Variants in HMGCLL1 observed in about 807,000 individuals in gnomAD.
HMGCLL1 encodes the protein 3-hydroxymethyl-3-methylglutaryl-CoA lyase, cytoplasmic.
HMGCLL1 carries 36 observed loss-of-function variants against 39.1 expected under a neutral mutation model. The ratio of observed to expected loss-of-function variants is 0.92; its 90% CI spans 0.71 to 1.22. The LOEUF is 1.22. Among genes scored for constraint, HMGCLL1 ranks in the 50% most tolerant of loss-of-function variants. HMGCLL1 has a pLI of 0.00. For synonymous variants in HMGCLL1, 149 were observed against 144.0 expected (o/e 1.03, Z -0.25); for missense variants, 451 against 416.5 (o/e 1.08, Z -0.72).
chr6:55,615,476 G>C, the HMGCLL1 span, among the ~76,000 whole-genome samples: 1 of 152,112 alleles, frequency 6.6e-6, no homozygotes, highest in Non-Finnish European at 1.5e-5. Flanking sequence ...AAAGGGAAAG[G>C]CTTGAAAGAA....
the HMGCLL1 span, among the ~76,000 whole-genome samples, chr6:55,623,610 A>G: frequency 6.6e-6 from 1 of 151,100 alleles, no homozygotes; most frequent in Admixed American, 6.6e-5. Flanking sequence ...AAATACTATT[A>G]GAGCCGAAGA....
chr6:55,500,516 G>C (rs984352476), intron 5 of HMGCLL1, among the ~76,000 whole-genome samples: 4 of 151,642 alleles, frequency 2.6e-5, no homozygotes, highest in African/African-American at 9.7e-5. Context: ...AACCAAATTA[G>C]GTTACAAAAA....
chr6:55,501,427 C>T (rs1395915114), intron 5 of HMGCLL1, among the ~76,000 whole-genome samples: 1 of 151,808 alleles, frequency 6.6e-6, no homozygotes, highest in African/African-American at 2.4e-5. Context: ...ACCCACAACA[C>T]CTAAAATGTT....
chr6:55,581,269 A>G (rs4236135), upstream of HMGCLL1, among the ~76,000 whole-genome samples: 64,927 of 151,876 alleles, frequency 0.43, 14,768 homozygotes, highest in East Asian at 0.6. Context: ...TTAGTTGACC[A>G]TAGTGATACG....
chr6:55,470,888 C>T (rs1028199085), intron 7 of HMGCLL1, among the ~76,000 whole-genome samples: 4 of 151,702 alleles, frequency 2.6e-5, no homozygotes, highest in Non-Finnish European at 5.9e-5. Context: ...TGAGAACTCA[C>T]TCACTAGCAT....
At chr6:55,494,922 A>G (rs1189912846) in intron 7 of HMGCLL1, among the ~76,000 whole-genome samples, 2 of 152,242 alleles carry the variant, frequency 1.3e-5, no homozygotes, top group Non-Finnish European at 2.9e-5. Context: ...ATTAAAAGAC[A>G]TAAGTTCTGT....
chr6:55,476,365 T>G (rs1332249232), intron 7 of HMGCLL1, among the ~76,000 whole-genome samples: 1 of 151,698 alleles, frequency 6.6e-6, no homozygotes, highest in African/African-American at 2.4e-5. Flanking sequence ...AATGAATATT[T>G]GTTACTAGTA....
At chr6:55,550,060 A>G (rs1378281023) in intron 1 of HMGCLL1, among the ~76,000 whole-genome samples, 1 of 151,990 alleles carries the variant, frequency 6.6e-6, no homozygotes, top group African/African-American at 2.4e-5. Context: ...TCAGAAAACA[A>G]CAATCTATGG....
At chr6:55,457,063 T>TCA (rs1472254397) in intron 7 of HMGCLL1, among the ~76,000 whole-genome samples, 7 of 152,212 alleles carry the variant, frequency 4.6e-5, no homozygotes, top group Non-Finnish European at 1.0e-4. Flanking sequence ...TTTATACTTT[T>TCA]CCTTTCACCT....
the HMGCLL1 span, among the ~76,000 whole-genome samples, chr6:55,646,489 T>G: frequency 6.6e-6 from 1 of 151,830 alleles, no homozygotes; most frequent in African/African-American, 2.4e-5. Context: ...TAGGTTCTTC[T>G]TTAGTGGACA....
At chr6:55,668,881 G>C in the HMGCLL1 span, among the ~76,000 whole-genome samples, 1 of 151,698 alleles carries the variant, frequency 6.6e-6, no homozygotes, top group Admixed American at 6.6e-5. Context: ...CCAGCAACAG[G>C]AATCAGTAGG....
chr6:55,572,240 A>G (rs1157988434), intron 1 of HMGCLL1, among the ~76,000 whole-genome samples: 1 of 152,174 alleles, frequency 6.6e-6, no homozygotes, highest in Non-Finnish European at 1.5e-5. Context: ...GATAAGATTG[A>G]AAAGAAAGGT....
Position 55,482,075 on chromosome 6 carries a change from C to T in HMGCLL1, c.795+13344G>A, listed in dbSNP as rs1765779765. ...AGTCACATCTTCCCACTTATATGAA[C>T]TCACTCACCTGGAATTTGAGACAGA... On this transcript the variant is annotated intron_variant, in intron 7 of 8. Transcript: ENST00000274901. 2.6e-5 allele frequency among the ~76,000 whole-genome samples: 4 copies of T among 152,092 alleles called. No homozygotes were observed. The South Asian group carries it at 8.3e-4, about 32-fold the overall frequency.
chr6:55,464,955 G>A (rs4265036), intron 7 of HMGCLL1, among the ~76,000 whole-genome samples: 38,604 of 152,016 alleles, frequency 0.25, 4,961 homozygotes, highest in East Asian at 0.43. Context: ...CGAACAAGAC[G>A]GCTAGGGATT....
the HMGCLL1 span, among the ~76,000 whole-genome samples, chr6:55,586,816 T>C: frequency 5.9e-5 from 9 of 152,100 alleles, no homozygotes; most frequent in Non-Finnish European, 7.4e-5. Flanking sequence ...TTGGGTTGGT[T>C]CCAAGTCTTT....
At chr6:55,499,667 T>C (rs1181518148) in intron 5 of HMGCLL1, among the ~76,000 whole-genome samples, 1 of 150,238 alleles carries the variant, frequency 6.7e-6, no homozygotes, top group East Asian at 1.9e-4. Context: ...TATCTGGGTC[T>C]TTGGAAACAT....
At chr6:55,632,800 A>T in the HMGCLL1 span, among the ~76,000 whole-genome samples, 5 of 152,110 alleles carry the variant, frequency 3.3e-5, no homozygotes, top group Non-Finnish European at 5.9e-5. Context: ...TTGGTTTAGT[A>T]AAAGCATAAT....
At chr6:55,539,672 A>G (rs1286773106) in intron 3 of HMGCLL1, among the ~76,000 whole-genome samples, 1 of 151,384 alleles carries the variant, frequency 6.6e-6, no homozygotes, top group Non-Finnish European at 1.5e-5. Flanking sequence ...GGACACATAG[A>G]GAGGAACAAC....
the HMGCLL1 span, among the ~76,000 whole-genome samples, chr6:55,678,096 C>T: frequency 1.8e-4 from 27 of 152,220 alleles, no homozygotes; most frequent in African/African-American, 6.3e-4. Flanking sequence ...AGTCAGGAAG[C>T]TACCATGTAT....
Sources: allele counts gnomAD v4.1 joint callset (sites outside exome capture counted in the v4.1 genomes callset), GRCh38; gene constraint gnomAD v4.1.1; transcripts MANE v1.5; gene names NCBI Gene and HGNC (gene_info 2026-07-23, HGNC 2026-07-21).